The following ACSS1 variants were observed in gnomAD, a reference collection of about 807,000 sequenced individuals.
The protein encoded by ACSS1 is acetyl-coenzyme A synthetase 2-like, mitochondrial.
Under a neutral mutation model 75.3 loss-of-function variants are expected in ACSS1, and 42 were observed. The ratio of observed to expected loss-of-function variants is 0.56; its 90% CI spans 0.44 to 0.72. The LOEUF is 0.72. ACSS1 is among the 30% of genes least tolerant of loss of function. The pLI is 0.00. For synonymous variants in ACSS1, 380 were observed against 376.8 expected, an observed-to-expected ratio of 1.01 and a Z score of -0.10; for missense variants, 782 against 935.7, an observed-to-expected ratio of 0.84 and a Z score of 2.14.
intron 2 of ACSS1, among the ~76,000 whole-genome samples, chr20:25,044,158 T>C (rs2089048862): frequency 6.6e-6 from 1 of 152,114 alleles, no homozygotes; most frequent in Non-Finnish European, 1.5e-5. Context: ...GACCCCAGGC[T>C]CCAGGCTCCA....
At chr20:25,031,093 C>T (rs1282501293) in intron 2 of ACSS1, 135 bp from the exon 3 acceptor site, 2 of 868,192 alleles carry the variant, frequency 2.3e-6, no homozygotes, top group Non-Finnish European at 3.7e-6. Flanking sequence ...CACTTGAATA[C>T]TTAATGCATG....
At chr20:25,009,598 G>A in intron 12 of ACSS1, 1 of 566,370 alleles carries the variant, frequency 1.8e-6, no homozygotes, top group Non-Finnish European at 3.2e-6. Context: ...CTCCACAGAT[G>A]TTCCAGGTGA....
rs575235984 is a variant in ACSS1 at position 25,023,698 on chromosome 20, A to G, written c.632-57T>C. On this transcript the variant is annotated intron_variant, in intron 3 of 13. Coordinates refer to ENST00000323482, the MANE Select transcript of ACSS1 (RefSeq NM_032501.4). ...GTCTCCTCCCGACTTTAACCCTCAT[A>G]GCTCTGACTCACATAGGACATCCAG... is the stretch of plus-strand genomic sequence containing the variant. 256 of 1,484,834 alleles carry G rather than the reference A, an allele frequency of 1.7e-4. 1 individual carries two copies. In the Middle Eastern group the frequency reaches 2.7e-3, roughly 16 times the overall value. 92.0% of individuals were successfully genotyped at this position (1,484,834 alleles called of 1,614,324 possible). A position where few individuals can be genotyped will look rare whatever the true frequency, so the allele number is the denominator to read the frequency against.
At chr20:25,043,637 G>A (rs991157870) in intron 2 of ACSS1, among the ~76,000 whole-genome samples, 3 of 152,234 alleles carry the variant, frequency 2.0e-5, no homozygotes, top group South Asian at 2.1e-4. Flanking sequence ...CACTGTGCAC[G>A]ACCCCACCCA....
rs779715180 is a variant in ACSS1, at chr20:25,015,089, C to T, written c.1339+49G>A. The stretch of plus-strand genomic sequence containing the variant: ...CCCCAGTCCCAGCCTCACACCTGAC[C>T]CTGCAGACCCAGCACTTAGACCGGA... On this transcript the variant is annotated intron_variant, in intron 8 of 13. Transcript: ENST00000323482. 22 of 1,533,552 alleles carry T rather than the reference C, an allele frequency of 1.4e-5. 1 individual carries two copies. The South Asian group carries it at 2.5e-4, about 17-fold the overall frequency. 95.0% of individuals were successfully genotyped at this position (1,533,552 alleles called of 1,614,324 possible). A position where few individuals can be genotyped will look rare whatever the true frequency, so the allele number is the denominator to read the frequency against.
rs1172094958 is a variant in ACSS1 at position 25,009,380 on chromosome 20, CA to C, written c.1779del (p.Phe593LeufsTer6). ...GCACTATCTTTCACCACAATGAAGG[CA>C]AAGGCAGCTGAAAATAAAGCCAAGT... ...YPHDIKGEAA[F>X]AFIVVKDSAG... On this transcript the variant is annotated frameshift_variant, in exon 13 of 14. Transcript: ENST00000323482. LOFTEE classifies it high-confidence loss of function. 6.2e-7 allele frequency: 1 copy of C among 1,613,806 alleles called. No individual in the cohort carries two copies. The highest frequency in any genetic ancestry group is 8.5e-7 in the Non-Finnish European group (1 of 1,179,832).
intron 2 of ACSS1, chr20:25,046,031 T>A (rs1207327255): frequency 2.0e-5 from 3 of 152,166 alleles, no homozygotes; most frequent in Non-Finnish European, 2.9e-5. Flanking sequence ...TTTCAAGCAG[T>A]TCTCCTGCTT....
Position 25,009,270 on chromosome 20 carries a change from C to G in ACSS1, c.1890G>C (p.Leu630=). Residue 630 remains leucine (L), a splice_region_variant and synonymous_variant, in exon 13 of 14, where the codon CTG becomes CTC. Coordinates refer to ENST00000323482, the MANE Select transcript of ACSS1 (RefSeq NM_032501.4). ...IAKYAVPDEI[L]VVKRLPKTRS... ...CCATCTTTGTGGGAGGCCCACTCAC[C>G]AGGATCTCATCAGGCACAGCATATT... The G allele has an allele frequency of 6.2e-7, 1 of 1,610,160 alleles. No homozygotes were observed. The highest frequency in any genetic ancestry group is 8.5e-7 in the Non-Finnish European group (1 of 1,176,368).
intron 2 of ACSS1, chr20:25,032,276 C>T: frequency 8.7e-7 from 1 of 1,149,748 alleles, no homozygotes; most frequent in Non-Finnish European, 1.1e-6. Flanking sequence ...AGCTGATTGG[C>T]TCAGGGCCGA....
intron 8 of ACSS1, among the ~76,000 whole-genome samples, chr20:25,014,549 A>AT (rs2088481900): frequency 2.0e-5 from 3 of 152,210 alleles, no homozygotes; most frequent in Admixed American, 2.0e-4. Flanking sequence ...GGACTGTCCC[A>AT]TGGGAACGCC....
chr20:25,021,584 C>T (rs779920617), intron 5 of ACSS1, 48 bp from the exon 6 acceptor site: 20 of 1,598,068 alleles, frequency 1.3e-5, no homozygotes, highest in Non-Finnish European at 1.7e-5. Flanking sequence ...CCCACTCCAC[C>T]ATGTTCACAC....
chr20:25,048,270 T>G, intron 1 of ACSS1, 89 bp from the exon 2 acceptor site: 5 of 1,090,208 alleles, frequency 4.6e-6, no homozygotes, highest in Non-Finnish European at 6.7e-6. Context: ...GGGTCTAGTT[T>G]GCTGTGGCTC....
At chr20:25,027,075 T>G (rs1380349764) in intron 3 of ACSS1, among the ~76,000 whole-genome samples, 1 of 152,266 alleles carries the variant, frequency 6.6e-6, no homozygotes, top group African/African-American at 2.4e-5. Context: ...GCAGAATGTC[T>G]GTGTTCAACT....
intron 1 of ACSS1, among the ~76,000 whole-genome samples, chr20:25,054,109 C>T (rs182187160): frequency 6.6e-6 from 1 of 152,394 alleles, no homozygotes; most frequent in Non-Finnish European, 1.5e-5. Context: ...CACAGACACT[C>T]TGTCTACCCT....
intron 2 of ACSS1, chr20:25,046,609 A>C: frequency 1.7e-6 from 1 of 580,606 alleles, no homozygotes; most frequent in Non-Finnish European, 3.1e-6. Context: ...CCGACCCCCA[A>C]CAGAGGGTTT....
At chr20:25,019,276 C>T (rs1001601312) in intron 7 of ACSS1, among the ~76,000 whole-genome samples, 4 of 152,228 alleles carry the variant, frequency 2.6e-5, no homozygotes, top group African/African-American at 4.8e-5. Context: ...CCTCCCAGCA[C>T]CAGCCCGAAA....
chr20:25,020,294 G>A lies in ACSS1; in HGVS notation c.1109-147C>T, dbSNP rs147738043. 99 of 965,522 alleles carry A rather than the reference G, an allele frequency of 1.0e-4. 1 individual carries two copies. The South Asian group carries it at 1.1e-3, about 11-fold the overall frequency. The allele number at this position is 965,522 out of a possible 1,614,324, so 59.8% of individuals were successfully genotyped here. A position where few individuals can be genotyped will look rare whatever the true frequency, so the allele number is the denominator to read the frequency against. ...GGGATCCCCCCAACCCCCCACCCCCGCCAGTGAAAGATGGAAAGAAGCCCC... is the reference window on the plus strand; with the variant it reads ...GGGATCCCCCCAACCCCCCACCCCCACCAGTGAAAGATGGAAAGAAGCCCC... On this transcript the variant is annotated intron_variant, in intron 6 of 13. Coordinates refer to ENST00000323482, the MANE Select transcript of ACSS1 (RefSeq NM_032501.4).
chr20:25,015,071 C>G, intron 8 of ACSS1, 67 bp downstream of exon 8: 1 of 1,426,764 alleles, frequency 7.0e-7, no homozygotes, highest in Admixed American at 2.1e-5. Context: ...GGACCCCAGT[C>G]CCAGCCTCAC....
chr20:25,056,228 T>G (rs757779120), intron 1 of ACSS1, among the ~76,000 whole-genome samples: 6 of 152,196 alleles, frequency 3.9e-5, no homozygotes, highest in East Asian at 3.9e-4. Context: ...ATGTTCCCCA[T>G]GACCTTGGCC....
Sources: gnomAD v4.1 joint callset for allele counts (sites outside exome capture counted in the v4.1 genomes callset) on GRCh38, gnomAD v4.1.1 for gene constraint, MANE v1.5 for transcripts, NCBI Gene and HGNC (gene_info 2026-07-23, HGNC 2026-07-21) for gene names.